The following TMC6 variants were observed in gnomAD, a reference collection of about 807,000 sequenced individuals.
TMC6 encodes the protein transmembrane channel like 6.
A neutral mutation model predicts 95.4 loss-of-function variants in TMC6; 71 were observed. The ratio of observed to expected loss-of-function variants is 0.74; its 90% CI spans 0.61 to 0.91. TMC6 has a LOEUF of 0.91. Ranked by LOEUF, TMC6 falls within the 40% of genes least tolerant of loss-of-function variation. TMC6 has a pLI of 0.00. For missense variants in TMC6, 1,074 were observed against 1,079.1 expected (o/e 1.00, Z 0.07); for synonymous variants, 514 against 483.1 (o/e 1.06, Z -0.84).
In TMC6 at chr17:78,121,068, C is replaced by T. The variant is rs1202017273; in HGVS notation, c.1480G>A (p.Ala494Thr). ...LGAPYLCRVL[A>T]ALEPHDSPVL... ...GGGGAGTCATGCGGCTCCAGGGCGG[C>T]CAGGACACGGCACAGGTAGGGGGCC... The change falls in exon 12 of 20, where the codon GCC becomes ACC. Residue 494 changes from alanine to threonine, a missense_variant. Physicochemically the swap from Ala to Thr is moderately conservative, Grantham distance 58 (BLOSUM62 0). Transcript: ENST00000590602. This position sits in a 1 kb window ranked among gnomAD's most constrained non-coding sequence, Gnocchi z 5.6. 6.2e-7 allele frequency: 1 copy of T among 1,613,040 alleles called. No individual in the cohort carries two copies. Among genetic ancestry groups the T allele is most frequent in the Admixed American group, 1.7e-5 (1 of 59,986 alleles).
chr17:78,115,078 G>C (rs2073993803), intron 18 of TMC6, among the ~76,000 whole-genome samples: 1 of 152,266 alleles, frequency 6.6e-6, no homozygotes, highest in Non-Finnish European at 1.5e-5. Context: ...GAGATGCCAG[G>C]CTTTCAGCTC....
At position 78,117,599 on chromosome 17, in the gene TMC6, G is replaced by C. The variant is rs149532820; in HGVS notation, c.2067C>G (p.Thr689=). 1.3e-5 allele frequency: 20 copies of C among 1,582,562 alleles called. No individual in the cohort carries two copies. Among genetic ancestry groups the C allele is most frequent in the Non-Finnish European group, 1.7e-5 (20 of 1,165,830 alleles). Residue 689 remains threonine, a synonymous_variant, in exon 17 of 20, where the codon ACC becomes ACG. Transcript: ENST00000590602. Reference sequence around the variant, plus strand: ...CCCACACCCTGCCGGCCTCGTACATGGTGTCCAGGGTCCGGAAGGGGCCGC... The same window carrying C: ...CCCACACCCTGCCGGCCTCGTACATCGTGTCCAGGGTCCGGAAGGGGCCGC... ...STCGPFRTLD[T]MYEAGRVWVR...
chr17:78,119,137 A>G, intron 14 of TMC6, 91 bp from the exon 15 acceptor site: 1 of 1,496,602 alleles, frequency 6.7e-7, no homozygotes, highest in Non-Finnish European at 9.2e-7. Context: ...GGCATGTGAC[A>G]GTGGCCAAAA....
At position 78,121,697 on chromosome 17, in the gene TMC6, C is replaced by T. The variant is rs1203730494; in HGVS notation, c.1242G>A (p.Glu414=). 1.9e-6 allele frequency: 3 copies of T among 1,588,132 alleles called. No homozygotes were observed. The highest frequency in any genetic ancestry group is 2.7e-5 in the African/African-American group (2 of 74,514). The change falls in exon 11 of 20, where the codon GAG becomes GAA. Residue 414 remains glutamate, a synonymous_variant. Coordinates refer to ENST00000590602, the MANE Select transcript of TMC6 (RefSeq NM_001127198.5). The surrounding 1 kb of genome is among the most constrained non-coding windows in gnomAD (Gnocchi z 5.6). ...IRTRLKELLA[E]WQLRHSPRSV... ...TCCTGGGGCTGTGCCGCAGCTGCCACTCGGCCAGCAGCTCCTGCAGGCGGC... is the reference window on the plus strand; with the variant it reads ...TCCTGGGGCTGTGCCGCAGCTGCCATTCGGCCAGCAGCTCCTGCAGGCGGC...
Position 78,126,331 on chromosome 17 carries a change from T to C in TMC6, c.217A>G (p.Thr73Ala). 1 of 1,578,220 alleles carries C rather than the reference T, an allele frequency of 6.3e-7. No individual in the cohort carries two copies. Among genetic ancestry groups the C allele is most frequent in the Non-Finnish European group, 8.6e-7 (1 of 1,166,766 alleles). Residue 73 changes from threonine to alanine, a missense_variant, in exon 4 of 20, where the codon ACC becomes GCC. Physicochemically the swap from Thr to Ala is moderately conservative, Grantham distance 58. Transcript: ENST00000590602. ...ATGCGGAGTGTGGCCGTGCTCTGGG[T>C]GCCCTCGGGCCGCCAGAGTGTCTGC... ...SQQTLWRPEG[T>A]QSTATLRILA... is the part of the protein sequence containing the mutation.
chr17:78,129,132 C>G (rs2074894269), upstream of TMC6, among the ~76,000 whole-genome samples: 1 of 151,874 alleles, frequency 6.6e-6, no homozygotes, highest in South Asian at 2.1e-4. This position sits in a 1 kb window ranked among gnomAD's most constrained non-coding sequence, Gnocchi z 4.3. Flanking sequence ...CCCCCCGCCG[C>G]CCCCGCAAGC....
Position 78,120,510 on chromosome 17 carries a change from G to A in TMC6, c.1715+143C>T, listed in dbSNP as rs770350952. 18 of 1,268,304 alleles carry A rather than the reference G, an allele frequency of 1.4e-5. No homozygotes were observed. The Admixed American group carries it at 1.7e-4, about 12-fold the overall frequency. The allele number at this position is 1,268,304 out of a possible 1,614,324, so 78.6% of individuals were successfully genotyped here. A position where few individuals can be genotyped will look rare whatever the true frequency, so the allele number is the denominator to read the frequency against. ...TCCTTTCCAATCTAAAAATGAGTTC[G>A]GTTCTATTTCCTGAGTCTTCCTCTG... On this transcript the variant is annotated intron_variant, in intron 13 of 19. Transcript: ENST00000590602.
At position 78,124,065 on chromosome 17, in the gene TMC6, G is replaced by T; in HGVS notation, c.1006C>A (p.Pro336Thr). The change falls in exon 9 of 20, where the codon CCC (proline) becomes ACC (threonine). Residue 336 changes from proline to threonine, a missense_variant. Coordinates refer to ENST00000590602, the MANE Select transcript of TMC6 (RefSeq NM_001127198.5). ...SQCTPRVGGL[P>T]YNMPLAYLST... Reference sequence around the variant, plus strand: ...AGGTAGGCCAGGGGCATGTTGTAGGGCAGGCCACCCACCCTGGGTGTGCAC... The same window carrying T: ...AGGTAGGCCAGGGGCATGTTGTAGGTCAGGCCACCCACCCTGGGTGTGCAC... 2 of 1,613,530 alleles carry T rather than the reference G, an allele frequency of 1.2e-6. No homozygotes were observed. The highest frequency in any genetic ancestry group is 1.7e-6 in the Non-Finnish European group (2 of 1,179,984).
chr17:78,123,879 G>T, intron 9 of TMC6, 110 bp downstream of exon 9: 4 of 1,417,734 alleles, frequency 2.8e-6, no homozygotes, highest in Non-Finnish European at 3.9e-6. Context: ...GAGCAGACAG[G>T]TAGATGGACA....
At chr17:78,119,472 C>T in intron 13 of TMC6, 80 bp from the exon 14 acceptor site, 1 of 1,415,102 alleles carries the variant, frequency 7.1e-7, no homozygotes. Context: ...CCCAGAGGCA[C>T]CCCGCCCCCA....
rs551782028 is a variant in TMC6, at chr17:78,122,640, G to A, written c.1192C>T (p.Arg398Cys). The A allele has an allele frequency of 8.7e-6, 14 of 1,611,982 alleles. No homozygotes were observed. Among genetic ancestry groups the A allele is most frequent in the African/African-American group, 4.0e-5 (3 of 75,054 alleles). ...DYKVTQKRAS[R>C]LQQDNIRTRL... ...GTGCGAATATTGTCCTGCTGGAGGCGGGAGGCCCGCTTCTGCGTCACCTTG... is the reference window on the plus strand; with the variant it reads ...GTGCGAATATTGTCCTGCTGGAGGCAGGAGGCCCGCTTCTGCGTCACCTTG... Residue 398 changes from arginine to cysteine, a missense_variant, in exon 10 of 20, where the codon CGC becomes TGC. Coordinates refer to ENST00000590602, the MANE Select transcript of TMC6 (RefSeq NM_001127198.5). The surrounding 1 kb of genome is among the most constrained non-coding windows in gnomAD (Gnocchi z 4.9).
rs1017850082 is a variant in TMC6 at position 78,108,500 on chromosome 17, G to A, written c.*4648C>T. 1.0e-4 allele frequency: 16 copies of A among 155,000 alleles called. No homozygotes were observed. Among genetic ancestry groups the A allele is most frequent in the African/African-American group, 2.2e-4 (9 of 41,650 alleles). The allele number at this position is 155,000 out of a possible 1,614,324, so 9.6% of individuals were successfully genotyped here. A position where few individuals can be genotyped will look rare whatever the true frequency, so the allele number is the denominator to read the frequency against. On this transcript the variant is annotated 3_prime_UTR_variant, in exon 20 of 20. Coordinates refer to ENST00000590602, the MANE Select transcript of TMC6 (RefSeq NM_001127198.5). ...ACTACTACAGGGGCAAACTGTACCCGTGCCTGTGCGCTGGGAGAACAAGGT... is the reference window on the plus strand; with the variant it reads ...ACTACTACAGGGGCAAACTGTACCCATGCCTGTGCGCTGGGAGAACAAGGT...
chr17:78,124,457 A>C, intron 8 of TMC6, 67 bp downstream of exon 8: 2 of 1,595,322 alleles, frequency 1.3e-6, no homozygotes, highest in Non-Finnish European at 1.7e-6. Flanking sequence ...TGGGACAAGA[A>C]GGGAACACGG....
rs771660744 is a variant in TMC6 at position 78,124,053 on chromosome 17, G to A, written c.1018C>T (p.Pro340Ser). Residue 340 changes from proline to serine, a missense_variant, in exon 9 of 20, where the codon CCC becomes TCC. Transcript: ENST00000590602. ...PRVGGLPYNM[P>S]LAYLSTVGVS... ...CCCACAGTGGAGAGGTAGGCCAGGG[G>A]CATGTTGTAGGGCAGGCCACCCACC... 6.2e-7 allele frequency: 1 copy of A among 1,613,646 alleles called. No individual in the cohort carries two copies. The highest frequency in any genetic ancestry group is 8.5e-7 in the Non-Finnish European group (1 of 1,179,972).
At chr17:78,129,952 G>A (rs2074916152), upstream of TMC6, among the ~76,000 whole-genome samples, 1 of 152,114 alleles carries the variant, frequency 6.6e-6, no homozygotes, top group Non-Finnish European at 1.5e-5. This position sits in a 1 kb window ranked among gnomAD's most constrained non-coding sequence, Gnocchi z 4.3. Context: ...CATAGCTTGC[G>A]CCTGACACAC....
chr17:78,115,929 C>A (rs1406129802), intron 18 of TMC6, among the ~76,000 whole-genome samples: 1 of 150,936 alleles, frequency 6.6e-6, no homozygotes, highest in East Asian at 1.9e-4. Flanking sequence ...GGAGTGGGCA[C>A]AGGGACCAGC....
rs1055031962 is a variant in TMC6, at chr17:78,128,411, T to C, written c.-75+201A>G. On this transcript the variant is annotated intron_variant, in intron 1 of 19. Coordinates refer to ENST00000590602, the MANE Select transcript of TMC6 (RefSeq NM_001127198.5). The surrounding 1 kb of genome is among the most constrained non-coding windows in gnomAD (Gnocchi z 4.0). ...GGGCTGCGGATTTTGCTCCCCGCAC[T>C]GTCCTCCCCGCCCCTGCCGCTCCCA... 2.0e-5 allele frequency among the ~76,000 whole-genome samples: 3 copies of C among 151,754 alleles called. No individual in the cohort carries two copies. The highest frequency in any genetic ancestry group is 4.4e-5 in the Non-Finnish European group (3 of 67,932).
chr17:78,113,276 C>T (rs535737647), intron 19 of TMC6, 65 bp from the exon 20 acceptor site: 257 of 1,512,894 alleles, frequency 1.7e-4, no homozygotes, highest in African/African-American at 4.6e-4. Context: ...CCTGGCTGGG[C>T]GCAGCCAAGG....
chr17:78,131,640 C>T (rs900139392), upstream of TMC6: 13 of 1,556,814 alleles, frequency 8.4e-6, no homozygotes, highest in Non-Finnish European at 2.6e-6. Flanking sequence ...GGTGCCGGAG[C>T]CGGAGGAGCT....
Sources: gnomAD v4.1 joint callset for allele counts (sites outside exome capture counted in the v4.1 genomes callset) on GRCh38, gnomAD v4.1.1 for gene constraint, Gnocchi (gnomAD v3.1) non-coding constraint, MANE v1.5 for transcripts, NCBI Gene and HGNC (gene_info 2026-07-23, HGNC 2026-07-21) for gene names.